ZNF516: variants seen among roughly 807,000 people sequenced by gnomAD.
ZNF516 encodes zinc finger protein 516.
In ZNF516, 19 loss-of-function variants were observed where a neutral mutation model predicts 79.7. The observed-to-expected ratio is 0.24, with a 90% confidence interval of 0.17 to 0.35. The LOEUF (loss-of-function observed/expected upper bound fraction) is 0.35. ZNF516 is among the 10% of genes least tolerant of loss of function. The pLI is 1.00. For missense variants in ZNF516, 1,678 were observed against 1,679.5 expected (o/e 1.00, Z 0.02); for synonymous variants, 877 against 739.5 (o/e 1.19, Z -3.02).
At chr18:76,479,543 AG>A in intron 1 of ZNF516, among the ~76,000 whole-genome samples, 1 of 152,308 alleles carries the variant, frequency 6.6e-6, no homozygotes. Flanking sequence ...CCACAGATGG[AG>A]GGAAGACGCA....
chr18:76,463,952 A>T (rs1031390571), intron 1 of ZNF516, among the ~76,000 whole-genome samples: 2 of 152,150 alleles, frequency 1.3e-5, no homozygotes, highest in African/African-American at 2.4e-5. Flanking sequence ...ACAGAAGAAG[A>T]TCCACCGAAA....
At chr18:76,385,273 A>T (rs1361372814) in intron 3 of ZNF516, among the ~76,000 whole-genome samples, 1 of 152,210 alleles carries the variant, frequency 6.6e-6, no homozygotes, top group East Asian at 1.9e-4. Context: ...CTGCGTCCCA[A>T]GCTGGCCCTG....
chr18:76,419,253 G>C (rs1038976959), intron 3 of ZNF516, among the ~76,000 whole-genome samples: 2 of 152,222 alleles, frequency 1.3e-5, no homozygotes, highest in African/African-American at 4.8e-5. Flanking sequence ...CAATGGGATA[G>C]AGACAAGTAT....
intron 1 of ZNF516, among the ~76,000 whole-genome samples, chr18:76,468,925 GTCC>G: frequency 6.6e-6 from 1 of 152,192 alleles, no homozygotes; most frequent in East Asian, 1.9e-4. Flanking sequence ...TATATTATAT[GTCC>G]TTCAACAATG....
At chr18:76,388,690 AAACT>A (rs1915293133) in intron 3 of ZNF516, 1 of 152,284 alleles carries the variant, frequency 6.6e-6, no homozygotes, top group Admixed American at 6.5e-5. Flanking sequence ...CAAAGGCTTG[AAACT>A]AACAAGATGA....
chr18:76,421,975 T>G (rs2075514333), intron 3 of ZNF516, among the ~76,000 whole-genome samples: 3 of 152,200 alleles, frequency 2.0e-5, no homozygotes, highest in Admixed American at 2.0e-4. Context: ...GTTTTGTTTT[T>G]TGTTTTTAAT....
In ZNF516 at chr18:76,442,770, C is replaced by T. The variant is rs771744261; in HGVS notation, c.285G>A (p.Pro95=). The change falls in exon 3 of 7, where the codon CCG becomes CCA. Residue 95 remains proline (P), a synonymous_variant. Coordinates refer to ENST00000443185, the MANE Select transcript of ZNF516 (RefSeq NM_014643.4). Reference sequence around the variant, plus strand: ...CACCCAGCGGCGCCTCGCCCGCCTCCGGCTCGTGTCCCTGAATCAGAGTCC... The same window carrying T: ...CACCCAGCGGCGCCTCGCCCGCCTCTGGCTCGTGTCCCTGAATCAGAGTCC... ...RTGTLIQGHE[P]EAGEAPLGEM... is the part of the protein sequence containing the mutation. The T allele has an allele frequency of 1.2e-5, 19 of 1,595,550 alleles. No individual in the cohort carries two copies. Among genetic ancestry groups the T allele is most frequent in the Middle Eastern group, 3.3e-4 (2 of 6,048 alleles).
intron 1 of ZNF516, among the ~76,000 whole-genome samples, chr18:76,476,417 G>A (rs1914178285): frequency 6.6e-6 from 1 of 152,106 alleles, no homozygotes; most frequent in Admixed American, 6.5e-5. Context: ...AATTAAAATG[G>A]GTAGCTTCAT....
chr18:76,474,528 T>C (rs918932652), intron 1 of ZNF516, among the ~76,000 whole-genome samples: 1 of 152,164 alleles, frequency 6.6e-6, no homozygotes, highest in African/African-American at 2.4e-5. Context: ...CAAACTCTCT[T>C]CAAAGTACCA....
At chr18:76,450,194 G>GGA (rs1912317413) in intron 2 of ZNF516, among the ~76,000 whole-genome samples, 1 of 131,942 alleles carries the variant, frequency 7.6e-6, no homozygotes, top group Non-Finnish European at 1.6e-5. Context: ...AGGGGGGGGG[G>GGA]TGTTTATTTC....
rs1380302923 is a variant in ZNF516 at position 76,467,522 on chromosome 18, G to T, written c.-271-4381C>A. On this transcript the variant is annotated intron_variant, in intron 1 of 6. Transcript: ENST00000443185. The surrounding 1 kb of genome is among the most constrained non-coding windows in gnomAD (Gnocchi z 4.2). ...TGGAATTACAGCATCCACAGGTGCT[G>T]GGCTTTCCTGGAGGCTGCAAGTAAG... Among the ~76,000 whole-genome samples the T allele has an allele frequency of 6.6e-6, 1 of 152,180 alleles. No individual in the cohort carries two copies. The highest frequency in any genetic ancestry group is 1.9e-4 in the East Asian group (1 of 5,178).
intron 1 of ZNF516, among the ~76,000 whole-genome samples, chr18:76,480,391 C>T (rs1452881624): frequency 2.0e-5 from 3 of 151,702 alleles, no homozygotes; most frequent in East Asian, 1.9e-4. Context: ...GCTGGGTTAG[C>T]GAACTACAGG....
At chr18:76,464,240 C>T (rs1913306377) in intron 1 of ZNF516, among the ~76,000 whole-genome samples, 1 of 152,050 alleles carries the variant, frequency 6.6e-6, no homozygotes, top group South Asian at 2.1e-4. Flanking sequence ...CACGTGGTGG[C>T]GTGTGCCTGT....
At chr18:76,447,926 G>C (rs1475401042) in intron 2 of ZNF516, among the ~76,000 whole-genome samples, 1 of 152,064 alleles carries the variant, frequency 6.6e-6, no homozygotes, top group African/African-American at 2.4e-5. Context: ...TTTCTCCAGA[G>C]ATGTAATCAA....
At chr18:76,490,642 G>GC (rs1915119101) in intron 1 of ZNF516, 2 of 413,986 alleles carry the variant, frequency 4.8e-6, no homozygotes, top group South Asian at 2.0e-4. Flanking sequence ...TTACTCCATA[G>GC]CCCCATGGTG....
At chr18:76,492,109 CG>C in intron 1 of ZNF516, 1 of 962,900 alleles carries the variant, frequency 1.0e-6, no homozygotes, top group Non-Finnish European at 1.2e-6. Flanking sequence ...CAGGGGTCTC[CG>C]GGGAGGTAGT....
chr18:76,380,922 C>G (rs1050645435), intron 3 of ZNF516, among the ~76,000 whole-genome samples: 4 of 152,240 alleles, frequency 2.6e-5, no homozygotes, highest in African/African-American at 9.6e-5. Context: ...CACTGATGCC[C>G]CAAGGTCCCC....
At chr18:76,421,452 A>G (rs973514210) in intron 3 of ZNF516, among the ~76,000 whole-genome samples, 2 of 152,248 alleles carry the variant, frequency 1.3e-5, no homozygotes, top group African/African-American at 4.8e-5. Flanking sequence ...CCGTGAGGCC[A>G]GACTTTGTCT....
intron 1 of ZNF516, among the ~76,000 whole-genome samples, chr18:76,494,171 T>G (rs1254993543): frequency 1.3e-5 from 2 of 152,142 alleles, no homozygotes; most frequent in Non-Finnish European, 2.9e-5. Context: ...AATACCCCAC[T>G]CGGCTGCCAT....
Sources: gnomAD v4.1 joint callset for allele counts (sites outside exome capture counted in the v4.1 genomes callset) on GRCh38, gnomAD v4.1.1 for gene constraint, Gnocchi (gnomAD v3.1) non-coding constraint, MANE v1.5 for transcripts, NCBI Gene and HGNC (gene_info 2026-07-23, HGNC 2026-07-21) for gene names.